The following AAK1 variants were observed in gnomAD, a reference collection of about 807,000 sequenced individuals.
AAK1 encodes the protein AP2 associated kinase 1.
In AAK1, 37 loss-of-function variants were observed where a neutral mutation model predicts 116.0. The observed-to-expected ratio is 0.32, with a 90% CI of 0.25 to 0.42. AAK1 has a LOEUF of 0.42. Ranked by LOEUF, AAK1 falls within the 10% of genes least tolerant of loss-of-function variation. AAK1 has a pLI of 1.00. For synonymous variants in AAK1, 458 were observed against 439.9 expected (o/e 1.04, Z -0.51); for missense variants, 919 against 1,170.6 (o/e 0.79, Z 3.14).
At chr2:69,585,090 CTG>C (rs1181944912) in intron 2 of AAK1, among the ~76,000 whole-genome samples, 1 of 152,154 alleles carries the variant, frequency 6.6e-6, no homozygotes, top group Non-Finnish European at 1.5e-5. Flanking sequence ...GATTCAAAAA[CTG>C]AGGTCCAGAT....
At position 69,614,781 on chromosome 2, in the gene AAK1, T is replaced by C. The variant is rs148549793; in HGVS notation, c.163+28097A>G. Among the ~76,000 whole-genome samples the C allele has an allele frequency of 5.4e-3, 822 of 152,216 alleles. 9 individuals are homozygous for C. Among genetic ancestry groups the C allele is most frequent in the African/African-American group, 0.019 (780 of 41,536 alleles). On this transcript the variant is annotated intron_variant, in intron 2 of 21. Transcript: ENST00000409085. ...ACCCTAAATCTAATGATAAGTGTCC[T>C]TAGAAGAGACACTCAGAGGAGAGAC...
rs190322234 is a variant in AAK1, at chr2:69,622,268, C to T, written c.163+20610G>A. On this transcript the variant is annotated intron_variant, in intron 2 of 21. Transcript: ENST00000409085. ...TGGCCGGGCCTTAGCTGCCTCCCCG[C>T]GGGGCAGGGCTTGGGACCTGCAGCC... Among the ~76,000 whole-genome samples the T allele has an allele frequency of 1.2e-3, 186 of 152,316 alleles. 2 individuals carry two copies. The highest frequency in any genetic ancestry group is 3.4e-3 in the Middle Eastern group (1 of 294).
intron 2 of AAK1, among the ~76,000 whole-genome samples, chr2:69,583,817 A>G (rs752906906): frequency 4.6e-5 from 7 of 151,718 alleles, no homozygotes; most frequent in Admixed American, 1.3e-4. Flanking sequence ...ACTTCGTTCC[A>G]CTTTTTCAAG....
intron 21 of AAK1, among the ~76,000 whole-genome samples, chr2:69,476,239 T>G (rs1572875895): frequency 6.6e-6 from 1 of 152,230 alleles, no homozygotes; most frequent in African/African-American, 2.4e-5. Context: ...GGGCACTATT[T>G]TCAAATCAAT....
At chr2:69,564,793 A>G (rs1671794070) in intron 2 of AAK1, among the ~76,000 whole-genome samples, 2 of 152,082 alleles carry the variant, frequency 1.3e-5, no homozygotes, top group South Asian at 4.1e-4. Flanking sequence ...ACCAGCCCCT[A>G]GGTCATAGTC....
At chr2:69,639,572 T>C (rs1462345227) in intron 2 of AAK1, among the ~76,000 whole-genome samples, 1 of 152,094 alleles carries the variant, frequency 6.6e-6, no homozygotes, top group East Asian at 1.9e-4. Context: ...CCAGGGGAGG[T>C]ATGGCAGTGC....
chr2:69,640,188 A>C (rs761555405), intron 2 of AAK1, among the ~76,000 whole-genome samples: 1 of 151,900 alleles, frequency 6.6e-6, no homozygotes, highest in Non-Finnish European at 1.5e-5. Context: ...TTTAATCTTC[A>C]TGACCAGCCC....
In AAK1 at chr2:69,470,521, C is replaced by A; in HGVS notation, c.*5348G>T. 2.0e-6 allele frequency: 2 copies of A among 985,448 alleles called. No homozygotes were observed. Among genetic ancestry groups the A allele is most frequent in the Non-Finnish European group, 2.4e-6 (2 of 829,932 alleles). The allele number at this position is 985,448 out of a possible 1,614,324, so 61.0% of individuals were successfully genotyped here. A position where few individuals can be genotyped will look rare whatever the true frequency, so the allele number is the denominator to read the frequency against. On this transcript the variant is annotated 3_prime_UTR_variant, in exon 22 of 22. Coordinates refer to ENST00000409085, the MANE Select transcript of AAK1 (RefSeq NM_014911.5). ...AAGCCAAAAATGGCCAGCTGTGCCT[C>A]TCAGGCCAATGAGGCAATTAAATGA...
rs552509005 is a variant in AAK1, at chr2:69,587,340, C to T, written c.164-30362G>A. Among the ~76,000 whole-genome samples the T allele has an allele frequency of 6.7e-4, 99 of 147,542 alleles. 1 individual carries two copies. In the South Asian group the frequency reaches 0.014, roughly 22 times the overall value. ...ACGCACATATATACACATATGCGTG[C>T]ACACACACATATATACACATATGCG... is the stretch of plus-strand genomic sequence containing the variant. On this transcript the variant is annotated intron_variant, in intron 2 of 21. Transcript: ENST00000409085.
chr2:69,515,203 A>G (rs1269571580), intron 12 of AAK1, among the ~76,000 whole-genome samples: 6 of 152,238 alleles, frequency 3.9e-5, no homozygotes, highest in South Asian at 2.1e-4. Context: ...AGAATAACCT[A>G]AATGTTAACT....
intron 2 of AAK1, among the ~76,000 whole-genome samples, chr2:69,592,105 A>C (rs1673061333): frequency 2.0e-5 from 3 of 152,194 alleles, no homozygotes; most frequent in African/African-American, 7.2e-5. Context: ...AACTGCAACA[A>C]AAGGAAGACC....
At chr2:69,617,183 C>T (rs1424129045) in intron 2 of AAK1, among the ~76,000 whole-genome samples, 1 of 152,186 alleles carries the variant, frequency 6.6e-6, no homozygotes, top group Non-Finnish European at 1.5e-5. Context: ...CATCACACCA[C>T]CCCCAAACAG....
chr2:69,642,161 A>T (rs1174236588), intron 2 of AAK1, among the ~76,000 whole-genome samples: 2 of 152,204 alleles, frequency 1.3e-5, no homozygotes, highest in Admixed American at 6.5e-5. Flanking sequence ...CCTCTCTGAT[A>T]GCGAAAAAAC....
chr2:69,549,056 T>C (rs1417149402), intron 3 of AAK1, among the ~76,000 whole-genome samples: 1 of 152,142 alleles, frequency 6.6e-6, no homozygotes, highest in Non-Finnish European at 1.5e-5. Flanking sequence ...TTAGCAAGTC[T>C]AGTCTATTTT....
In AAK1 at chr2:69,482,818, TTGG is replaced by T; in HGVS notation, c.2366-9_2366-7del. On this transcript the variant is annotated splice_polypyrimidine_tract_variant and splice_region_variant and intron_variant, in intron 17 of 21. Coordinates refer to ENST00000409085, the MANE Select transcript of AAK1 (RefSeq NM_014911.5). ...GAGTCCCTCAATTAGTTTTTCTACGTTGGGCAGAGAGACAAAAAGAAAGCAAAA... is the reference window on the plus strand; with the variant it reads ...GAGTCCCTCAATTAGTTTTTCTACGTGCAGAGAGACAAAAAGAAAGCAAAA... The T allele has an allele frequency of 6.3e-7, 1 of 1,592,120 alleles. No homozygotes were observed. Among genetic ancestry groups the T allele is most frequent in the Non-Finnish European group, 8.6e-7 (1 of 1,160,302 alleles).
chr2:69,627,711 A>G (rs1674973077), intron 2 of AAK1, among the ~76,000 whole-genome samples: 1 of 152,192 alleles, frequency 6.6e-6, no homozygotes, highest in African/African-American at 2.4e-5. Flanking sequence ...CTCTTCCTCC[A>G]CACAGTCTCC....
chr2:69,564,049 G>A lies in AAK1; in HGVS notation c.164-7071C>T, dbSNP rs1267900124. 2.6e-5 allele frequency among the ~76,000 whole-genome samples: 4 copies of A among 152,050 alleles called. 1 individual carries two copies. The highest frequency in any genetic ancestry group is 5.9e-5 in the Non-Finnish European group (4 of 67,998). ...TCTACTAAAAATACAAAAATTAGCT[G>A]GGTGTGGTGGCGCATGCCTGTAATC... On this transcript the variant is annotated intron_variant, in intron 2 of 21. Coordinates refer to ENST00000409085, the MANE Select transcript of AAK1 (RefSeq NM_014911.5).
At chr2:69,625,737 T>C (rs1030604389) in intron 2 of AAK1, among the ~76,000 whole-genome samples, 3 of 152,330 alleles carry the variant, frequency 2.0e-5, no homozygotes, top group South Asian at 2.1e-4. Context: ...GTATAAAATA[T>C]TTCAAAATAG....
At chr2:69,541,104 C>G (rs6546529) in intron 5 of AAK1, among the ~76,000 whole-genome samples, 81,109 of 151,716 alleles carry the variant, frequency 0.53, 23,487 homozygotes, top group East Asian at 0.77. Context: ...AAAGGGGAGA[C>G]AGAATAGGGA....
Sources: gnomAD v4.1 joint callset for allele counts (sites outside exome capture counted in the v4.1 genomes callset) on GRCh38, gnomAD v4.1.1 for gene constraint, MANE v1.5 for transcripts, NCBI Gene and HGNC (gene_info 2026-07-23, HGNC 2026-07-21) for gene names.